Variants in SUGCT observed in about 807,000 individuals in gnomAD.
The protein encoded by SUGCT is succinyl-CoA:glutarate-CoA transferase, also known as succinyl-CoA:glutarate CoA-transferase.
SUGCT carries 41 observed loss-of-function variants against 55.0 expected under a neutral mutation model. The observed-to-expected ratio is 0.74, with a 90% CI of 0.58 to 0.97. The LOEUF is 0.97. Ranked by LOEUF, SUGCT falls within the 50% of genes least tolerant of loss-of-function variation. The pLI is 0.00. For synonymous variants in SUGCT, 187 were observed against 200.4 expected (o/e 0.93, Z 0.56); for missense variants, 568 against 547.8 (o/e 1.04, Z -0.37).
intron 9 of SUGCT, among the ~76,000 whole-genome samples, chr7:40,448,560 A>C (rs1788989506): frequency 2.0e-5 from 3 of 152,186 alleles, no homozygotes; most frequent in Middle Eastern, 3.4e-3. Context: ...AATATAAAAG[A>C]AAAAGGGCCA....
chr7:40,674,415 A>G (rs967228950), intron 12 of SUGCT, among the ~76,000 whole-genome samples: 4 of 152,236 alleles, frequency 2.6e-5, no homozygotes, highest in African/African-American at 4.8e-5. Flanking sequence ...TTCACATTTT[A>G]TGAAATGTCC....
At chr7:40,867,122 TTA>T in the SUGCT span, among the ~76,000 whole-genome samples, 5 of 138,532 alleles carry the variant, frequency 3.6e-5, no homozygotes, top group South Asian at 1.1e-3. Context: ...TAAGAACTCC[TTA>T]TATATATATA....
At chr7:40,322,473 G>A (rs182753269) in intron 9 of SUGCT, among the ~76,000 whole-genome samples, 125 of 152,220 alleles carry the variant, frequency 8.2e-4, no homozygotes, top group African/African-American at 2.9e-3. Context: ...TCTAATAGAA[G>A]CCCACCAGAC....
chr7:40,637,201 C>A (rs1162990372), intron 12 of SUGCT, among the ~76,000 whole-genome samples: 1 of 152,186 alleles, frequency 6.6e-6, no homozygotes, highest in Non-Finnish European at 1.5e-5. Flanking sequence ...TGGAGATTTT[C>A]AACTTCTCAA....
intron 11 of SUGCT, among the ~76,000 whole-genome samples, chr7:40,494,345 A>G (rs1029885045): frequency 5.3e-5 from 8 of 152,234 alleles, no homozygotes; most frequent in South Asian, 4.1e-4. Flanking sequence ...CTTTCAGCAT[A>G]TATCATTTTG....
the SUGCT span, among the ~76,000 whole-genome samples, chr7:40,938,405 G>T: frequency 1.3e-5 from 2 of 151,622 alleles, no homozygotes; most frequent in Non-Finnish European, 2.9e-5. Flanking sequence ...TGTTGTCTCA[G>T]TGGTTGCCCT....
chr7:40,668,092 A>T (rs1801742385), intron 12 of SUGCT, among the ~76,000 whole-genome samples: 1 of 152,200 alleles, frequency 6.6e-6, no homozygotes, highest in South Asian at 2.1e-4. Flanking sequence ...CTGAGATTTC[A>T]TACTTGAGTT....
At chr7:40,329,346 A>G (rs908852780) in intron 9 of SUGCT, among the ~76,000 whole-genome samples, 1 of 152,174 alleles carries the variant, frequency 6.6e-6, no homozygotes, top group Non-Finnish European at 1.5e-5. Flanking sequence ...GCTGTGAAAT[A>G]GGCTGTTTCC....
chr7:40,842,920 T>C (rs1483006294), intron 13 of SUGCT, among the ~76,000 whole-genome samples: 5 of 152,220 alleles, frequency 3.3e-5, no homozygotes, highest in Non-Finnish European at 5.9e-5. Context: ...TCAGTGAAAA[T>C]GCCTCACCTT....
the SUGCT span, among the ~76,000 whole-genome samples, chr7:40,870,703 G>T: frequency 1.3e-5 from 2 of 151,922 alleles, no homozygotes; most frequent in Non-Finnish European, 2.9e-5. Flanking sequence ...CAATTATTTG[G>T]TATTCTACTT....
At chr7:40,675,062 C>CTTT (rs777227064) in intron 12 of SUGCT, among the ~76,000 whole-genome samples, 1 of 135,402 alleles carries the variant, frequency 7.4e-6, no homozygotes, top group Non-Finnish European at 1.6e-5. Flanking sequence ...TTTCTAAAAT[C>CTTT]TTTTTTTTTT....
intron 12 of SUGCT, among the ~76,000 whole-genome samples, chr7:40,597,738 C>T (rs563024034): frequency 2.6e-5 from 4 of 152,082 alleles, no homozygotes; most frequent in Admixed American, 1.3e-4. Flanking sequence ...GCCTGGGTTC[C>T]TCAATGATTG....
the SUGCT span, among the ~76,000 whole-genome samples, chr7:40,940,716 G>T: frequency 7.9e-5 from 12 of 152,134 alleles, no homozygotes; most frequent in African/African-American, 2.9e-4. Flanking sequence ...CTACTGGTTT[G>T]TATACGTTGA....
chr7:40,311,736 A>AT (rs1181409442), intron 8 of SUGCT, among the ~76,000 whole-genome samples: 1 of 152,212 alleles, frequency 6.6e-6, no homozygotes, highest in Non-Finnish European at 1.5e-5. Context: ...AGGCAAGACT[A>AT]TATCTTTTTT....
At chr7:40,307,539 A>G (rs1362832292) in intron 8 of SUGCT, among the ~76,000 whole-genome samples, 4 of 152,146 alleles carry the variant, frequency 2.6e-5, no homozygotes, top group Non-Finnish European at 5.9e-5. Flanking sequence ...TTATCAGACT[A>G]CTCAGTGCTT....
At position 40,137,668 on chromosome 7, in the gene SUGCT, C is replaced by G. The variant is rs555245052; in HGVS notation, c.100+2548C>G. On this transcript the variant is annotated intron_variant, in intron 1 of 13. Coordinates refer to ENST00000335693, the MANE Select transcript of SUGCT (RefSeq NM_001193313.2). ...TTTTTCTGTCGTATAGCAGTATACT[C>G]TCTCTATATATTTTTTATTTATTTA... Among the ~76,000 whole-genome samples, 17 of 151,670 alleles carry G rather than the reference C, an allele frequency of 1.1e-4. No individual in the cohort carries two copies. In the South Asian group the frequency reaches 2.7e-3, roughly 24 times the overall value.
intron 9 of SUGCT, among the ~76,000 whole-genome samples, chr7:40,361,142 A>G (rs745964593): frequency 1.8e-4 from 27 of 152,042 alleles, no homozygotes; most frequent in Non-Finnish European, 2.8e-4. Flanking sequence ...GGGAGTAATG[A>G]CTTTACCTAT....
intron 9 of SUGCT, among the ~76,000 whole-genome samples, chr7:40,407,210 C>T (rs555260811): frequency 3.9e-5 from 6 of 152,106 alleles, no homozygotes; most frequent in South Asian, 4.1e-4. Flanking sequence ...TTGCCGTTCA[C>T]GTATCTTTGT....
At chr7:40,241,549 A>G (rs1789392583) in intron 7 of SUGCT, among the ~76,000 whole-genome samples, 1 of 151,208 alleles carries the variant, frequency 6.6e-6, no homozygotes, top group Non-Finnish European at 1.5e-5. Context: ...ACTGCCCTCC[A>G]GCCTGGGTGT....
Sources: allele counts gnomAD v4.1 joint callset (sites outside exome capture counted in the v4.1 genomes callset), GRCh38; gene constraint gnomAD v4.1.1; transcripts MANE v1.5; gene names NCBI Gene and HGNC (gene_info 2026-07-23, HGNC 2026-07-21).